L3MBTL4: variants seen among roughly 807,000 people sequenced by gnomAD.
The protein encoded by L3MBTL4 is lethal(3)malignant brain tumor-like protein 4.
Under a neutral mutation model 84.5 loss-of-function variants are expected in L3MBTL4, and 70 were observed. The observed-to-expected ratio is 0.83, with a 90% CI of 0.68 to 1.01. The LOEUF is 1.01. Among genes scored for constraint, L3MBTL4 ranks in the 50% least tolerant of loss-of-function variants. The pLI, the probability that L3MBTL4 is intolerant of heterozygous loss-of-function variation, is 0.00. For synonymous variants in L3MBTL4, 274 were observed against 259.8 expected, an observed-to-expected ratio of 1.05 and a Z score of -0.52; for missense variants, 715 against 754.8, an observed-to-expected ratio of 0.95 and a Z score of 0.62.
At chr18:6,334,442 G>A (rs1403368968) in intron 1 of L3MBTL4, among the ~76,000 whole-genome samples, 1 of 152,118 alleles carries the variant, frequency 6.6e-6, no homozygotes, top group Non-Finnish European at 1.5e-5. Context: ...CTCGGAAGGT[G>A]ACAAAGTTTT....
At chr18:6,029,903 G>A in intron 16 of L3MBTL4, 2 of 985,398 alleles carry the variant, frequency 2.0e-6, no homozygotes, top group Non-Finnish European at 2.4e-6. Flanking sequence ...ACAAGCATGA[G>A]TGATGAGTAC....
Position 6,241,424 on chromosome 18 carries a change from CCAAA to C in L3MBTL4, c.482_485del (p.Val161GlyfsTer5). 1.9e-6 allele frequency: 3 copies of C among 1,598,808 alleles called. No individual in the cohort carries two copies. Among genetic ancestry groups the C allele is most frequent in the African/African-American group, 1.3e-5 (1 of 74,544 alleles). ...ATTTGCAGGCCTTCAAGTAATCCAT[CCAAA>C]CAAATTTATCTTTTCTATAACCTAA... On this transcript the variant is annotated frameshift_variant, in exon 8 of 19. Coordinates refer to ENST00000317931, the MANE Select transcript of L3MBTL4 (RefSeq NM_001330559.2). LOFTEE classifies it high-confidence loss of function.
intron 10 of L3MBTL4, among the ~76,000 whole-genome samples, chr18:6,221,723 G>A (rs764253644): frequency 2.0e-5 from 3 of 152,150 alleles, no homozygotes; most frequent in Non-Finnish European, 4.4e-5. Flanking sequence ...GTGCGGCCCT[G>A]GCTAGCTTTC....
At chr18:6,187,040 T>C (rs1599063684) in intron 12 of L3MBTL4, among the ~76,000 whole-genome samples, 1 of 152,166 alleles carries the variant, frequency 6.6e-6, no homozygotes, top group African/African-American at 2.4e-5. Context: ...ATGCCCAAGG[T>C]CTAGGCTTCA....
chr18:6,268,322 G>T (rs2048722297), intron 4 of L3MBTL4, among the ~76,000 whole-genome samples: 1 of 152,152 alleles, frequency 6.6e-6, no homozygotes, highest in South Asian at 2.1e-4. Context: ...CAGGAGAATT[G>T]CTTGAACCCG....
intron 12 of L3MBTL4, among the ~76,000 whole-genome samples, chr18:6,173,038 C>G (rs1287860784): frequency 6.6e-6 from 1 of 152,214 alleles, no homozygotes; most frequent in East Asian, 1.9e-4. Context: ...AAATTCTTGG[C>G]TCCACCTCAA....
intron 12 of L3MBTL4, among the ~76,000 whole-genome samples, chr18:6,204,399 C>T (rs527838707): frequency 3.9e-5 from 6 of 152,306 alleles, no homozygotes; most frequent in African/African-American, 1.4e-4. Flanking sequence ...CACAGCTGAG[C>T]CCTGATGGCT....
chr18:6,105,792 C>G (rs2058985575), intron 14 of L3MBTL4, among the ~76,000 whole-genome samples: 1 of 136,866 alleles, frequency 7.3e-6, no homozygotes, highest in East Asian at 2.1e-4. Context: ...AAGAGTGAAA[C>G]TCTGTCTCAA....
rs142385632 is a variant in L3MBTL4, at chr18:6,348,622, G to T, written c.-90-36566C>A. Among the ~76,000 whole-genome samples the T allele has an allele frequency of 4.0e-4, 61 of 152,000 alleles. No individual in the cohort carries two copies. The East Asian group carries it at 0.012, about 29-fold the overall frequency. ...AAGCTTAGAGAAAAAAACAAAACTG[G>T]CAAATATCTTCATGGCCTTAGGTAA... On this transcript the variant is annotated intron_variant, in intron 1 of 18. Transcript: ENST00000317931.
chr18:6,111,504 T>C (rs1405990976), intron 14 of L3MBTL4, among the ~76,000 whole-genome samples: 1 of 152,138 alleles, frequency 6.6e-6, no homozygotes, highest in African/African-American at 2.4e-5. Flanking sequence ...ATCACTTGCA[T>C]ATTGAGGTTC....
chr18:6,236,296 T>C (rs1176721967), intron 10 of L3MBTL4, among the ~76,000 whole-genome samples: 2 of 152,186 alleles, frequency 1.3e-5, no homozygotes, highest in African/African-American at 4.8e-5. Flanking sequence ...CTATGAGCAA[T>C]GGATTTTCAA....
chr18:6,410,071 T>A (rs1340952926), intron 1 of L3MBTL4, among the ~76,000 whole-genome samples: 1 of 151,854 alleles, frequency 6.6e-6, no homozygotes, highest in African/African-American at 2.4e-5. Context: ...TGCAATGGCA[T>A]CCTAACCAGT....
rs369931150 is a variant in L3MBTL4, at chr18:6,234,109, C to T, written c.784+3855G>A. Among the ~76,000 whole-genome samples, 188 of 152,182 alleles carry T rather than the reference C, an allele frequency of 1.2e-3. 2 individuals carry two copies. In the Middle Eastern group the frequency reaches 0.02, roughly 17 times the overall value. ...AAATGGTGCTGGGAAAACTGGCTAGCGACATGTAGAAAGCTGAAACTGGAT... is the reference window on the plus strand; with the variant it reads ...AAATGGTGCTGGGAAAACTGGCTAGTGACATGTAGAAAGCTGAAACTGGAT... On this transcript the variant is annotated intron_variant, in intron 10 of 18. Coordinates refer to ENST00000317931, the MANE Select transcript of L3MBTL4 (RefSeq NM_001330559.2).
At chr18:6,025,244 A>G (rs1279935977) in intron 16 of L3MBTL4, 1 of 152,166 alleles carries the variant, frequency 6.6e-6, no homozygotes, top group African/African-American at 2.4e-5. Flanking sequence ...CGCCCAGGTA[A>G]ATGTCACAAA....
intron 16 of L3MBTL4, among the ~76,000 whole-genome samples, chr18:6,049,103 G>A (rs542458803): frequency 1.4e-4 from 21 of 152,026 alleles, no homozygotes; most frequent in Non-Finnish European, 2.5e-4. Flanking sequence ...CTGGGCAACA[G>A]AGGAAGACCC....
At chr18:6,333,553 G>A (rs1384826616) in intron 1 of L3MBTL4, among the ~76,000 whole-genome samples, 24 of 139,332 alleles carry the variant, frequency 1.7e-4, no homozygotes, top group East Asian at 4.2e-4. Context: ...CCAGCCTGGC[G>A]ACAAAGTGAG....
chr18:6,241,280 A>G, intron 8 of L3MBTL4, 78 bp downstream of exon 8: 9 of 838,764 alleles, frequency 1.1e-5, no homozygotes, highest in Non-Finnish European at 1.8e-5. Flanking sequence ...GGATTAAAAT[A>G]AAACAGAATA....
intron 12 of L3MBTL4, among the ~76,000 whole-genome samples, chr18:6,204,074 C>T (rs1470656587): frequency 6.6e-6 from 1 of 152,180 alleles, no homozygotes; most frequent in African/African-American, 2.4e-5. Context: ...TTTGGTTCAG[C>T]TTTGATCCAT....
chr18:5,994,373 A>G (rs1321192125), intron 16 of L3MBTL4, among the ~76,000 whole-genome samples: 2 of 152,200 alleles, frequency 1.3e-5, no homozygotes, highest in Non-Finnish European at 2.9e-5. Context: ...ACCTTCTTTG[A>G]TATCTCTCAG....
Sources: gnomAD v4.1 joint callset for allele counts (sites outside exome capture counted in the v4.1 genomes callset) on GRCh38, gnomAD v4.1.1 for gene constraint, MANE v1.5 for transcripts, NCBI Gene and HGNC (gene_info 2026-07-23, HGNC 2026-07-21) for gene names.